Variants in RIIAD1 observed in about 807,000 individuals in gnomAD.
RIIAD1 encodes regulatory subunit of type II PKA R-subunit domain containing 1, also known as RIIa domain-containing protein 1.
RIIAD1 carries 15 observed loss-of-function variants against 13.3 expected under a neutral mutation model. The observed-to-expected ratio is 1.13, with a 90% CI of 0.76 to 1.74. The LOEUF is 1.74. RIIAD1 is among the 40% of genes most tolerant of loss of function. RIIAD1 has a pLI of 0.00. For missense variants in RIIAD1, 121 were observed against 112.2 expected (o/e 1.08, Z -0.35); for synonymous variants, 50 against 43.3 (o/e 1.16, Z -0.61).
intron 4 of RIIAD1, chr1:151,716,147 C>T: frequency 1.1e-6 from 1 of 943,006 alleles, no homozygotes; most frequent in Admixed American, 2.9e-5. Context: ...CCTTTGGCCC[C>T]CAACCACGCT....
chr1:151,721,352 T>C (rs1042221838), upstream of RIIAD1, among the ~76,000 whole-genome samples: 21 of 151,948 alleles, frequency 1.4e-4, no homozygotes, highest in African/African-American at 5.1e-4. Flanking sequence ...CAGAAATCAG[T>C]CCCCCAATCC....
At chr1:151,727,069 G>A (rs1309815732) in intron 2 of RIIAD1, among the ~76,000 whole-genome samples, 5 of 152,092 alleles carry the variant, frequency 3.3e-5, no homozygotes, top group South Asian at 2.1e-4. Flanking sequence ...TAGGAGGATC[G>A]CTTGAGCCTG....
upstream of RIIAD1, among the ~76,000 whole-genome samples, chr1:151,718,710 G>A (rs1673668356): frequency 6.6e-6 from 1 of 152,196 alleles, no homozygotes; most frequent in South Asian, 2.1e-4. Flanking sequence ...TGGGGTGGCA[G>A]TGGGGGGAGG....
At chr1:151,721,394 C>T (rs1673730722), upstream of RIIAD1, 1 of 416,002 alleles carries the variant, frequency 2.4e-6, no homozygotes, top group Non-Finnish European at 4.1e-6. Flanking sequence ...ACCCACCCCC[C>T]AAGCCCCCGC....
chr1:151,721,545 G>A lies in RIIAD1; in HGVS notation c.9G>A (p.Thr3=). The stretch of plus-strand genomic sequence containing the variant: ...TTGACGACCGCAGCAAGATGGAGAC[G>A]CTGCCAGGCTTGCTGCAGCGGCCCG... ME[T]LPGLLQRPDP... The change falls in exon 1 of 5, where the codon ACG becomes ACA. Residue 3 remains threonine (T), a synonymous_variant. Transcript: ENST00000479191. 7.6e-7 allele frequency: 1 copy of A among 1,324,264 alleles called. No individual in the cohort carries two copies. Among genetic ancestry groups the A allele is most frequent in the East Asian group, 3.1e-5 (1 of 32,070 alleles). 82.0% of individuals were successfully genotyped at this position (1,324,264 alleles called of 1,614,324 possible).
intron 2 of RIIAD1, among the ~76,000 whole-genome samples, chr1:151,726,782 G>A (rs1430979838): frequency 6.6e-6 from 1 of 152,218 alleles, no homozygotes; most frequent in East Asian, 1.9e-4. Context: ...CCCTGCAGGT[G>A]TTACCACAGT....
rs1647300037 is a variant in RIIAD1, at chr1:151,729,749, C to T, written c.*319C>T. 1 of 152,194 alleles carries T rather than the reference C, an allele frequency of 6.6e-6. No individual in the cohort carries two copies. Among genetic ancestry groups the T allele is most frequent in the Non-Finnish European group, 1.5e-5 (1 of 68,040 alleles). The allele number at this position is 152,194 out of a possible 1,614,324, so 9.4% of individuals were successfully genotyped here. ...TTGCTGGGTCAGTGGGCTGTCGTGCCCACCCCCTGGGAAGAACACAGCTGA... is the reference window on the plus strand; with the variant it reads ...TTGCTGGGTCAGTGGGCTGTCGTGCTCACCCCCTGGGAAGAACACAGCTGA... On this transcript the variant is annotated 3_prime_UTR_variant, in exon 5 of 5. Coordinates refer to ENST00000479191, the MANE Select transcript of RIIAD1 (RefSeq NM_001144956.3).
chr1:151,727,054 C>T lies in RIIAD1; in HGVS notation c.162-521C>T, dbSNP rs1337675847. Among the ~76,000 whole-genome samples, 6 of 152,012 alleles carry T rather than the reference C, an allele frequency of 3.9e-5. No homozygotes were observed. The East Asian group carries it at 5.8e-4, about 15-fold the overall frequency. On this transcript the variant is annotated intron_variant, in intron 2 of 4. Transcript: ENST00000479191. ...CTGTAATCCCAGCACTTTGGGAGGCCGAAGTAGGAGGATCGCTTGAGCCTG... is the reference window on the plus strand; with the variant it reads ...CTGTAATCCCAGCACTTTGGGAGGCTGAAGTAGGAGGATCGCTTGAGCCTG...
intron 2 of RIIAD1, among the ~76,000 whole-genome samples, chr1:151,726,027 T>G (rs1254711176): frequency 6.6e-6 from 1 of 152,204 alleles, no homozygotes; most frequent in Non-Finnish European, 1.5e-5. Context: ...CACTTCCTAC[T>G]CTCAAGGAAG....
chr1:151,722,220 T>G, intron 2 of RIIAD1, 58 bp downstream of exon 2: 1 of 1,038,580 alleles, frequency 9.6e-7, no homozygotes, highest in Non-Finnish European at 1.5e-6. Context: ...TCGTTATCTC[T>G]AGAGGTTTCC....
upstream of RIIAD1, among the ~76,000 whole-genome samples, chr1:151,720,742 A>G (rs552936778): frequency 7.2e-5 from 11 of 152,228 alleles, no homozygotes; most frequent in South Asian, 2.3e-3. Flanking sequence ...TGGGGGTAGG[A>G]GCTCGGCATG....
upstream of RIIAD1, among the ~76,000 whole-genome samples, chr1:151,717,559 T>C (rs751252188): frequency 6.6e-5 from 10 of 152,234 alleles, no homozygotes; most frequent in Non-Finnish European, 1.2e-4. Context: ...TAATTCAGCA[T>C]CTTACTGTTC....
chr1:151,716,748 C>G (rs1469392908), upstream of RIIAD1: 4 of 464,048 alleles, frequency 8.6e-6, no homozygotes, highest in African/African-American at 4.1e-5. Context: ...CCTGCTTTCC[C>G]GGTCACCTGG....
rs1647277693 is a variant in RIIAD1 at position 151,729,617 on chromosome 1, A to G, written c.*187A>G. 1 of 152,108 alleles carries G rather than the reference A, an allele frequency of 6.6e-6. No individual in the cohort carries two copies. Among genetic ancestry groups the G allele is most frequent in the African/African-American group, 2.4e-5 (1 of 41,416 alleles). The allele number at this position is 152,108 out of a possible 1,614,324, so 9.4% of individuals were successfully genotyped here. On this transcript the variant is annotated 3_prime_UTR_variant, in exon 5 of 5. Transcript: ENST00000479191. ...CGGACCTTCCTGCTCTCTCTGCTTT[A>G]TTTCACTCAAGAGGAGGAAGCCATC...
In RIIAD1 at chr1:151,728,450, C is replaced by T. The variant is rs186285002; in HGVS notation, c.209-316C>T. ...TGATGGCTCTCTGTGCGTCAGCAGG[C>T]GGAGGAGCAAACGGTGCGACTCGGG... On this transcript the variant is annotated intron_variant, in intron 3 of 4. Transcript: ENST00000479191. 203 of 357,126 alleles carry T rather than the reference C, an allele frequency of 5.7e-4. 3 individuals carry two copies. The East Asian group carries it at 0.011, about 20-fold the overall frequency. The allele number at this position is 357,126 out of a possible 1,614,324, so 22.1% of individuals were successfully genotyped here.
intron 4 of RIIAD1, chr1:151,715,500 G>A: frequency 1.4e-6 from 1 of 711,980 alleles, no homozygotes; most frequent in South Asian, 1.5e-5. Context: ...AGGCTGCTCA[G>A]ATTCTCAGTC....
Position 151,722,143 on chromosome 1 carries a change from C to T in RIIAD1, c.142C>T (p.Leu48Phe). ...AAGGACCCACAAAGAAGTAGAGTGGCTCATAAGTGGTTTCTTCAGGTAGGT... is the reference window on the plus strand; with the variant it reads ...AAGGACCCACAAAGAAGTAGAGTGGTTCATAAGTGGTTTCTTCAGGTAGGT... ...YLRTHKEVEWLISGFFREIFL... is the reference protein window; with the variant it reads ...YLRTHKEVEWFISGFFREIFL... The change falls in exon 2 of 5, where the codon CTC (leucine) becomes TTC (phenylalanine). Residue 48 changes from leucine to phenylalanine, a missense_variant. Transcript: ENST00000479191. 6.4e-7 allele frequency: 1 copy of T among 1,550,808 alleles called. No homozygotes were observed. Among genetic ancestry groups the T allele is most frequent in the Non-Finnish European group, 8.7e-7 (1 of 1,146,224 alleles).
At chr1:151,719,754 C>A, upstream of RIIAD1, 2 of 646,640 alleles carry the variant, frequency 3.1e-6, no homozygotes, top group Middle Eastern at 4.8e-4. Flanking sequence ...CAAAAAGTAG[C>A]CCCTCTCATA....
At chr1:151,727,079 G>C (rs1212235543) in intron 2 of RIIAD1, among the ~76,000 whole-genome samples, 1 of 152,126 alleles carries the variant, frequency 6.6e-6, no homozygotes, top group Non-Finnish European at 1.5e-5. Flanking sequence ...GCTTGAGCCT[G>C]GGAGTTAGAA....
Sources: allele counts gnomAD v4.1 joint callset (sites outside exome capture counted in the v4.1 genomes callset), GRCh38; gene constraint gnomAD v4.1.1; transcripts MANE v1.5; gene names NCBI Gene and HGNC (gene_info 2026-07-23, HGNC 2026-07-21).